The following ANKRD30A variants were observed in gnomAD, a reference collection of about 807,000 sequenced individuals.
The protein encoded by ANKRD30A is ankyrin repeat domain 30A, also known as ankyrin repeat domain-containing protein 30A.
A neutral mutation model predicts 166.3 loss-of-function variants in ANKRD30A; 170 were observed. That is an observed-to-expected ratio of 1.02 (90% confidence interval 0.90 to 1.16). The LOEUF is 1.16. Ranked by LOEUF, ANKRD30A falls within the 50% of genes most tolerant of loss-of-function variation. The pLI is 0.00. For missense variants in ANKRD30A, 1,630 were observed against 1,518.0 expected (o/e 1.07, Z -1.23); for synonymous variants, 564 against 508.9 (o/e 1.11, Z -1.46).
At chr10:37,240,667 C>T in the ANKRD30A span, among the ~76,000 whole-genome samples, 2 of 152,096 alleles carry the variant, frequency 1.3e-5, no homozygotes, top group East Asian at 3.9e-4. Context: ...TTGGCATTTG[C>T]TCCTCCCTTC....
At chr10:37,149,963 A>G in intron 11 of ANKRD30A, 114 bp downstream of exon 11, 1 of 1,415,346 alleles carries the variant, frequency 7.1e-7, no homozygotes, top group Non-Finnish European at 9.6e-7. Flanking sequence ...CATTTGATCT[A>G]GATAATGCCA....
intron 31 of ANKRD30A, among the ~76,000 whole-genome samples, chr10:37,210,083 A>G (rs1320513093): frequency 6.6e-6 from 1 of 152,030 alleles, no homozygotes; most frequent in African/African-American, 2.4e-5. Flanking sequence ...CATCTACATT[A>G]GGTATTTCTC....
chr10:37,178,110 A>G (rs1839877092), intron 24 of ANKRD30A, among the ~76,000 whole-genome samples: 1 of 151,354 alleles, frequency 6.6e-6, no homozygotes, highest in African/African-American at 2.4e-5. Context: ...GGAGGATGAT[A>G]AAATGAAATG....
intron 31 of ANKRD30A, among the ~76,000 whole-genome samples, chr10:37,204,447 C>T (rs1362453735): frequency 2.0e-5 from 3 of 152,080 alleles, no homozygotes; most frequent in Admixed American, 2.0e-4. Context: ...CCCTTCCTTA[C>T]AACTTATACA....
chr10:37,128,892 G>T (rs180885415), intron 1 of ANKRD30A, among the ~76,000 whole-genome samples: 3 of 152,042 alleles, frequency 2.0e-5, no homozygotes, highest in African/African-American at 7.2e-5. Flanking sequence ...ATTTATAATA[G>T]CTTTGAATAG....
At chr10:37,139,333 G>T (rs949869467) in intron 6 of ANKRD30A, among the ~76,000 whole-genome samples, 6 of 152,280 alleles carry the variant, frequency 3.9e-5, no homozygotes, top group African/African-American at 1.4e-4. Context: ...AGAGTCAGCA[G>T]CCACAGCCCT....
chr10:37,184,149 C>G (rs1482407867), intron 24 of ANKRD30A, among the ~76,000 whole-genome samples: 1 of 148,414 alleles, frequency 6.7e-6, no homozygotes, highest in African/African-American at 2.5e-5. Context: ...CAAGACATAA[C>G]AGGGTCAAGA....
chr10:37,178,143 A>G (rs575889437), intron 24 of ANKRD30A, among the ~76,000 whole-genome samples: 2 of 151,418 alleles, frequency 1.3e-5, no homozygotes, highest in Admixed American at 6.6e-5. Context: ...AAGATCGGGT[A>G]TGGTTAGAAA....
At position 37,141,701 on chromosome 10, in the gene ANKRD30A, G is replaced by T. The variant is rs770462419; in HGVS notation, c.821-17G>T. On this transcript the variant is annotated splice_polypyrimidine_tract_variant and intron_variant, in intron 6 of 35. Coordinates refer to ENST00000361713, the MANE Select transcript of ANKRD30A (RefSeq NM_052997.3). ...ATTTAGTAGAAGGAAAATTTAACCA[G>T]ATTGTGTGTTTGGCAGAAGGAACAT... 6 of 1,610,728 alleles carry T rather than the reference G, an allele frequency of 3.7e-6. No homozygotes were observed. In the Admixed American group the frequency reaches 8.4e-5, roughly 22 times the overall value.
chr10:37,151,023 T>A (rs2132556228), intron 11 of ANKRD30A, among the ~76,000 whole-genome samples: 1 of 126,024 alleles, frequency 7.9e-6, no homozygotes, highest in Admixed American at 8.3e-5. Context: ...TGATTTGAGT[T>A]TCTTGTACCC....
intron 12 of ANKRD30A, 48 bp downstream of exon 12, chr10:37,152,169 G>A (rs1295047405): frequency 1.5e-5 from 22 of 1,455,576 alleles, no homozygotes; most frequent in Non-Finnish European, 2.1e-5. Flanking sequence ...TGCATGATAT[G>A]AAAACATAAA....
chr10:37,239,019 A>G, the ANKRD30A span, among the ~76,000 whole-genome samples: 2 of 152,186 alleles, frequency 1.3e-5, no homozygotes, highest in Non-Finnish European at 2.9e-5. Context: ...TGGTAATAAA[A>G]TGTCCAGTAT....
intron 31 of ANKRD30A, among the ~76,000 whole-genome samples, chr10:37,211,222 T>C (rs1458426620): frequency 2.0e-5 from 3 of 152,178 alleles, no homozygotes; most frequent in South Asian, 2.1e-4. Context: ...ACATGTGCCA[T>C]ATTGGTGTGC....
At chr10:37,248,397 G>T in the ANKRD30A span, among the ~76,000 whole-genome samples, 8 of 152,282 alleles carry the variant, frequency 5.3e-5, no homozygotes, top group African/African-American at 1.9e-4. Flanking sequence ...AGCAAGCCAA[G>T]TAGGTTACAG....
chr10:37,147,806 T>C lies in ANKRD30A; in HGVS notation c.1543+349T>C, dbSNP rs192763856. ...AAGAAGCAGGTTTATATAATGGAGGTGGCAAAATAAAATATTTTTTAGAAA... is the reference window on the plus strand; with the variant it reads ...AAGAAGCAGGTTTATATAATGGAGGCGGCAAAATAAAATATTTTTTAGAAA... On this transcript the variant is annotated intron_variant, in intron 9 of 35. Coordinates refer to ENST00000361713, the MANE Select transcript of ANKRD30A (RefSeq NM_052997.3). 1.8e-4 allele frequency among the ~76,000 whole-genome samples: 28 copies of C among 152,160 alleles called. 2 individuals carry two copies. The highest frequency in any genetic ancestry group is 6.5e-4 in the African/African-American group (27 of 41,532).
intron 34 of ANKRD30A, among the ~76,000 whole-genome samples, chr10:37,223,839 G>T (rs1365235221): frequency 6.6e-6 from 1 of 150,906 alleles, no homozygotes; most frequent in Non-Finnish European, 1.5e-5. Context: ...ATAGAAAAGA[G>T]AAATTAAACA....
intron 27 of ANKRD30A, among the ~76,000 whole-genome samples, chr10:37,193,943 A>C (rs1260312031): frequency 3.9e-5 from 6 of 152,158 alleles, no homozygotes; most frequent in African/African-American, 7.2e-5. Flanking sequence ...GCCTGTAATG[A>C]TAGCAGTTTG....
intron 9 of ANKRD30A, among the ~76,000 whole-genome samples, chr10:37,148,277 G>A (rs761199028): frequency 6.6e-6 from 1 of 151,958 alleles, no homozygotes; most frequent in Non-Finnish European, 1.5e-5. Context: ...ACAAAACAGG[G>A]TCAAGAGAAA....
At chr10:37,260,397 C>T in the ANKRD30A span, among the ~76,000 whole-genome samples, 1 of 152,086 alleles carries the variant, frequency 6.6e-6, no homozygotes, top group Non-Finnish European at 1.5e-5. Flanking sequence ...AGGATTGTTC[C>T]GTTTTAAGTC....
Sources: allele counts gnomAD v4.1 joint callset (sites outside exome capture counted in the v4.1 genomes callset), GRCh38; gene constraint gnomAD v4.1.1; transcripts MANE v1.5; gene names NCBI Gene and HGNC (gene_info 2026-07-23, HGNC 2026-07-21).